Variants in POLR3G observed in about 807,000 individuals in gnomAD.
POLR3G encodes the protein RNA polymerase III subunit G, also known as DNA-directed RNA polymerase III subunit RPC7.
POLR3G carries 28 observed loss-of-function variants against 30.1 expected under a neutral mutation model. The ratio of observed to expected loss-of-function variants is 0.93; its 90% CI spans 0.69 to 1.27. POLR3G has a LOEUF of 1.27. Among genes scored for constraint, POLR3G ranks in the 50% most tolerant of loss-of-function variants. POLR3G has a pLI of 0.00. For missense variants in POLR3G, 254 were observed against 264.6 expected, an observed-to-expected ratio of 0.96 and a Z score of 0.28; for synonymous variants, 79 against 82.5, an observed-to-expected ratio of 0.96 and a Z score of 0.23.
chr5:90,494,835 A>G (rs1751905634), intron 3 of POLR3G, among the ~76,000 whole-genome samples: 1 of 152,118 alleles, frequency 6.6e-6, no homozygotes. Context: ...TTAAAATATA[A>G]AAAGTGGTCT....
chr5:90,514,251 A>G lies in POLR3G; in HGVS notation c.*2112A>G, dbSNP rs1752864706. On this transcript the variant is annotated 3_prime_UTR_variant, in exon 8 of 8. Transcript: ENST00000651687. ...TGGGACTGTGAAATTATTCCATAGG[A>G]AAGTGAATGTTATTTTGCAGAATTA... 6.6e-6 allele frequency: 1 copy of G among 152,234 alleles called. No homozygotes were observed. The highest frequency in any genetic ancestry group is 2.4e-5 in the African/African-American group (1 of 41,460). The allele number at this position is 152,234 out of a possible 1,614,324, so 9.4% of individuals were successfully genotyped here. A position where few individuals can be genotyped will look rare whatever the true frequency, so the allele number is the denominator to read the frequency against.
upstream of POLR3G, chr5:90,474,325 G>A: frequency 1.3e-6 from 2 of 1,595,022 alleles, no homozygotes; most frequent in Non-Finnish European, 1.7e-6. Context: ...CGGGGTGAGT[G>A]TGGGCGTGCG....
At chr5:90,490,631 A>G (rs1456398096) in intron 3 of POLR3G, 2 of 394,160 alleles carry the variant, frequency 5.1e-6, no homozygotes, top group Admixed American at 5.6e-5. Context: ...CTGGTCTCAC[A>G]TTCCTGGCTT....
Position 90,514,382 on chromosome 5 carries a change from C to A in POLR3G, c.*2243C>A, listed in dbSNP as rs1298103328. On this transcript the variant is annotated 3_prime_UTR_variant, in exon 8 of 8. Coordinates refer to ENST00000651687, the MANE Select transcript of POLR3G (RefSeq NM_006467.3). ...TCTGTATTTATTTACACATTAAATT[C>A]TTACAAAACAAAATGTGTTCGTTTG... 1 of 152,160 alleles carries A rather than the reference C, an allele frequency of 6.6e-6. No homozygotes were observed. Among genetic ancestry groups the A allele is most frequent in the East Asian group, 1.9e-4 (1 of 5,196 alleles). 9.4% of individuals were successfully genotyped at this position (152,160 alleles called of 1,614,324 possible).
At chr5:90,504,119 C>T (rs1752376052) in intron 6 of POLR3G, among the ~76,000 whole-genome samples, 1 of 151,626 alleles carries the variant, frequency 6.6e-6, no homozygotes, top group Non-Finnish European at 1.5e-5. Context: ...TTGCATAAAT[C>T]TACTTTTAAC....
intron 5 of POLR3G, among the ~76,000 whole-genome samples, chr5:90,497,933 T>G (rs1008632378): frequency 3.3e-5 from 5 of 152,114 alleles, no homozygotes; most frequent in Non-Finnish European, 7.4e-5. Flanking sequence ...TAGTGAGAAC[T>G]TGTCTCTACA....
intron 4 of POLR3G, among the ~76,000 whole-genome samples, chr5:90,496,247 C>A (rs1654421789): frequency 1.3e-5 from 2 of 152,186 alleles, no homozygotes; most frequent in South Asian, 4.1e-4. Flanking sequence ...GGATTACAGG[C>A]ATGAGCCAAC....
At chr5:90,479,438 A>C (rs556533779) in intron 1 of POLR3G, among the ~76,000 whole-genome samples, 1 of 152,252 alleles carries the variant, frequency 6.6e-6, no homozygotes, top group Non-Finnish European at 1.5e-5. Flanking sequence ...GCACCAATGC[A>C]CTCCAGCCTG....
chr5:90,478,607 C>T (rs1317780673), intron 1 of POLR3G, among the ~76,000 whole-genome samples: 10 of 84,976 alleles, frequency 1.2e-4, no homozygotes, highest in Admixed American at 1.1e-3. Context: ...CTCACTCTGT[C>T]GCCTAGGCTG....
chr5:90,511,427 T>C (rs1325446342), intron 7 of POLR3G, among the ~76,000 whole-genome samples: 2 of 152,322 alleles, frequency 1.3e-5, no homozygotes, highest in African/African-American at 4.8e-5. Context: ...AGTGGATTTT[T>C]GATTGTAAGA....
rs59951999 is a variant in POLR3G at position 90,487,378 on chromosome 5, A to ATTTTT, written c.118-597_118-593dup. Among the ~76,000 whole-genome samples the ATTTTT allele has an allele frequency of 5.1e-3, 291 of 57,070 alleles. 17 individuals carry two copies. Among genetic ancestry groups the ATTTTT allele is most frequent in the African/African-American group, 6.7e-3 (85 of 12,640 alleles). The allele number at this position is 57,070 out of a possible 152,430, so 37.4% of individuals were successfully genotyped here. A position where few individuals can be genotyped will look rare whatever the true frequency, so the allele number is the denominator to read the frequency against. On this transcript the variant is annotated intron_variant, in intron 2 of 7. Transcript: ENST00000651687. Reference sequence around the variant, plus strand: ...TTTTCTTTTTTTTTTTGGTACATTAATTTTTTTTTTTTTTTTTTTTTTTTT... The same window carrying ATTTTT: ...TTTTCTTTTTTTTTTTGGTACATTAATTTTTTTTTTTTTTTTTTTTTTTTTTTTTT...
At chr5:90,481,627 T>C (rs1385101646) in intron 1 of POLR3G, among the ~76,000 whole-genome samples, 2 of 152,130 alleles carry the variant, frequency 1.3e-5, no homozygotes, top group Admixed American at 1.3e-4. Flanking sequence ...TTAAGAAGCA[T>C]TGTATAGGGC....
chr5:90,512,102 CAG>C lies in POLR3G; in HGVS notation c.637_638del (p.Asp213GlnfsTer2), dbSNP rs1309083918. 1.2e-6 allele frequency: 2 copies of C among 1,609,656 alleles called. No homozygotes were observed. The highest frequency in any genetic ancestry group is 1.3e-5 in the African/African-American group (1 of 74,798). On this transcript the variant is annotated frameshift_variant, in exon 8 of 8. Transcript: ENST00000651687. LOFTEE classifies it high-confidence loss of function. The stretch of plus-strand genomic sequence containing the variant: ...TTTGAAGATGGAGATGATTTTGGCG[CAG>C]ACAGTGATGACAACATGGATGAGGC...
chr5:90,504,557 C>T (rs899886485), intron 6 of POLR3G, among the ~76,000 whole-genome samples: 10 of 134,138 alleles, frequency 7.5e-5, no homozygotes, highest in Non-Finnish European at 1.3e-4. Context: ...GCAAGACTCC[C>T]ATCTCAAAAA....
chr5:90,501,281 A>G (rs1752234214), intron 5 of POLR3G, among the ~76,000 whole-genome samples: 2 of 152,192 alleles, frequency 1.3e-5, no homozygotes, highest in Admixed American at 1.3e-4. Context: ...ACAGTATATA[A>G]TCATAATTAG....
In POLR3G at chr5:90,512,195, A is replaced by G; in HGVS notation, c.*56A>G. On this transcript the variant is annotated 3_prime_UTR_variant, in exon 8 of 8. Coordinates refer to ENST00000651687, the MANE Select transcript of POLR3G (RefSeq NM_006467.3). ...ATGCAGCTTCTGAACATTTGGACAG[A>G]CTTGATTTGTATTTTATTTCTGATA... is the stretch of plus-strand genomic sequence containing the variant. 3 of 1,065,406 alleles carry G rather than the reference A, an allele frequency of 2.8e-6. No individual in the cohort carries two copies. The highest frequency in any genetic ancestry group is 2.4e-5 in the East Asian group (1 of 41,906). 66.0% of individuals were successfully genotyped at this position (1,065,406 alleles called of 1,614,324 possible).
At chr5:90,484,210 A>G (rs904517718) in intron 1 of POLR3G, among the ~76,000 whole-genome samples, 1 of 152,188 alleles carries the variant, frequency 6.6e-6, no homozygotes, top group Non-Finnish European at 1.5e-5. Flanking sequence ...TGCTGGGCCC[A>G]CTCACAGTTT....
intron 3 of POLR3G, 23 bp downstream of exon 3, chr5:90,488,152 T>G (rs1416367005): frequency 1.3e-6 from 2 of 1,577,352 alleles, no homozygotes; most frequent in African/African-American, 2.7e-5. Flanking sequence ...AGTCTTTGAT[T>G]ATGTGGCTTA....
intron 1 of POLR3G, among the ~76,000 whole-genome samples, chr5:90,480,054 G>C (rs1310002125): frequency 6.6e-6 from 1 of 152,194 alleles, no homozygotes; most frequent in Non-Finnish European, 1.5e-5. Context: ...GAATATGATT[G>C]ATCAGTGCTC....
Sources: gnomAD v4.1 joint callset for allele counts (sites outside exome capture counted in the v4.1 genomes callset) on GRCh38, gnomAD v4.1.1 for gene constraint, MANE v1.5 for transcripts, NCBI Gene and HGNC (gene_info 2026-07-23, HGNC 2026-07-21) for gene names.